Variants in TAS1R3 observed in about 807,000 individuals in gnomAD.
TAS1R3 encodes the protein taste receptor type 1 member 3.
Under a neutral mutation model 46.1 loss-of-function variants are expected in TAS1R3, and 58 were observed. The observed-to-expected ratio is 1.26, with a 90% confidence interval of 1.02 to 1.57. The LOEUF is 1.57. Ranked by LOEUF, TAS1R3 falls within the 40% of genes most tolerant of loss-of-function variation. TAS1R3 has a pLI of 0.00. For missense variants in TAS1R3, 1,422 were observed against 1,185.8 expected, an observed-to-expected ratio of 1.20 and a Z score of -2.93; for synonymous variants, 724 against 544.7, an observed-to-expected ratio of 1.33 and a Z score of -4.58.
Position 1,332,380 on chromosome 1 carries a change from C to T in TAS1R3, c.849C>T (p.Leu283=). ...CCTCCGTGCACGCCGCCCACGCCCT[C>T]TTCAACTACAGCATCAGCAGCAGGC... ...LFASVHAAHA[L]FNYSISSRLS... is the part of the protein sequence containing the mutation. The change falls in exon 3 of 6, where the codon CTC becomes CTT. Residue 283 remains leucine (L), a synonymous_variant. Coordinates refer to ENST00000339381, the MANE Select transcript of TAS1R3 (RefSeq NM_152228.3). 1.2e-6 allele frequency: 2 copies of T among 1,601,726 alleles called. No homozygotes were observed. Among genetic ancestry groups the T allele is most frequent in the Non-Finnish European group, 1.7e-6 (2 of 1,175,352 alleles).
Position 1,333,242 on chromosome 1 carries a change from C to G in TAS1R3, c.1480-17C>G. 1 of 1,598,508 alleles carries G rather than the reference C, an allele frequency of 6.3e-7. No homozygotes were observed. Among genetic ancestry groups the G allele is most frequent in the Non-Finnish European group, 8.5e-7 (1 of 1,175,584 alleles). ...CATGCCCAGCCGAGCAGAGCCAGAC[C>G]CCAGGCCTGTGCGCAGAAGCCCGTG... On this transcript the variant is annotated splice_polypyrimidine_tract_variant and intron_variant, in intron 4 of 5. Transcript: ENST00000339381.
chr1:1,331,990 C>A, intron 2 of TAS1R3, 34 bp from the exon 3 acceptor site: 2 of 1,604,800 alleles, frequency 1.2e-6, no homozygotes, highest in Non-Finnish European at 1.7e-6. Context: ...CCGTGGGAGC[C>A]CCTGTGTCAG....
rs561795006 is a variant in TAS1R3, at chr1:1,333,788, C to A, written c.1883C>A (p.Pro628His). Residue 628 changes from proline (P) to histidine (H), a missense_variant, in exon 6 of 6, where the codon CCC (proline) becomes CAC (histidine). Pro to His is a moderately conservative substitution (Grantham distance 77). Coordinates refer to ENST00000339381, the MANE Select transcript of TAS1R3 (RefSeq NM_152228.3). Reference protein sequence around the residue: ...CLSVLLFPGQPSPARCLAQQP... With the variant: ...CLSVLLFPGQHSPARCLAQQP... ...AGCGTCCTCCTGTTCCCTGGCCAGCCCAGCCCTGCCCGATGCCTGGCCCAG... is the reference window on the plus strand; with the variant it reads ...AGCGTCCTCCTGTTCCCTGGCCAGCACAGCCCTGCCCGATGCCTGGCCCAG... The A allele has an allele frequency of 1.9e-6, 3 of 1,593,780 alleles. No individual in the cohort carries two copies. The highest frequency in any genetic ancestry group is 2.7e-5 in the African/African-American group (2 of 74,840).
chr1:1,334,050 C>T lies in TAS1R3; in HGVS notation c.2145C>T (p.Pro715=). The change falls in exon 6 of 6, where the codon CCC becomes CCT. Residue 715 remains proline, a synonymous_variant. Coordinates refer to ENST00000339381, the MANE Select transcript of TAS1R3 (RefSeq NM_152228.3). ...TGGTGACGGACTGGCACATGCTGCC[C>T]ACGGAGGCGCTGGTGCACTGCCGCA... ...PEVVTDWHML[P]TEALVHCRTR... 6.2e-7 allele frequency: 1 copy of T among 1,601,022 alleles called. No homozygotes were observed. The highest frequency in any genetic ancestry group is 8.5e-7 in the Non-Finnish European group (1 of 1,178,574).
rs532037282 is a variant in TAS1R3, at chr1:1,332,686, A to C, written c.1155A>C (p.Leu385=). 1 of 1,604,836 alleles carries C rather than the reference A, an allele frequency of 6.2e-7. No homozygotes were observed. The highest frequency in any genetic ancestry group is 8.5e-7 in the Non-Finnish European group (1 of 1,179,654). ...CGCTGCAGAACGTGAGCGCAGGGCT[A>C]AATCACCACCAGACGTTCTCTGTCT... ...CITLQNVSAG[L]NHHQTFSVYA... is the part of the protein sequence containing the mutation. Residue 385 remains leucine (L), a synonymous_variant, in exon 3 of 6, where the codon CTA becomes CTC. Coordinates refer to ENST00000339381, the MANE Select transcript of TAS1R3 (RefSeq NM_152228.3).
chr1:1,333,070 C>T lies in TAS1R3; in HGVS notation c.1425C>T (p.Asn475=), dbSNP rs772766529. 1.9e-5 allele frequency: 31 copies of T among 1,612,552 alleles called. No homozygotes were observed. The highest frequency in any genetic ancestry group is 1.2e-4 in the South Asian group (11 of 91,086). Residue 475 remains asparagine, a synonymous_variant, in exon 4 of 6, where the codon AAC becomes AAT. Coordinates refer to ENST00000339381, the MANE Select transcript of TAS1R3 (RefSeq NM_152228.3). The part of the protein sequence containing the change: ...VPRLHDVGRF[N]GSLRTERLKI... ...GGCTCCACGACGTGGGCAGGTTCAACGGCAGCCTCAGGACAGAGCGCCTGA... is the reference window on the plus strand; with the variant it reads ...GGCTCCACGACGTGGGCAGGTTCAATGGCAGCCTCAGGACAGAGCGCCTGA...
rs538019413 is a variant in TAS1R3 at position 1,334,737 on chromosome 1, C to T, written c.*273C>T. The T allele has an allele frequency of 5.0e-4, 202 of 400,070 alleles. 1 individual carries two copies. The highest frequency in any genetic ancestry group is 4.9e-4 in the Non-Finnish European group (110 of 223,508). 24.8% of individuals were successfully genotyped at this position (400,070 alleles called of 1,614,324 possible). On this transcript the variant is annotated 3_prime_UTR_variant, in exon 6 of 6. Transcript: ENST00000339381. ...AGACCCACTGTTCTGGAAAGAGGCC[C>T]GGAGGGCTCCCAGGGTACCCGCAAC...
Position 1,333,358 on chromosome 1 carries a change from G to A in TAS1R3, c.1579G>A (p.Gly527Ser), listed in dbSNP as rs779238410. ...CTACGACTGTGTGGACTGCGAGGCG[G>A]GCAGCTACCGGCAAAACCCAGGTGA... is the stretch of plus-strand genomic sequence containing the variant. ...CCYDCVDCEA[G>S]SYRQNPDDIA... Residue 527 changes from glycine (G) to serine (S), a missense_variant, in exon 5 of 6, where the codon GGC becomes AGC. Gly to Ser is a moderately conservative substitution (Grantham distance 56). Coordinates refer to ENST00000339381, the MANE Select transcript of TAS1R3 (RefSeq NM_152228.3). 2.5e-6 allele frequency: 4 copies of A among 1,611,022 alleles called. No individual in the cohort carries two copies. Among genetic ancestry groups the A allele is most frequent in the Middle Eastern group, 1.7e-4 (1 of 6,060 alleles).
In TAS1R3 at chr1:1,334,031, C is replaced by T. The variant is rs748122536; in HGVS notation, c.2126C>T (p.Thr709Met). ...GTGGCCTTCCCGCCGGAGGTGGTGA[C>T]GGACTGGCACATGCTGCCCACGGAG... Reference protein sequence around the residue: ...YLVAFPPEVVTDWHMLPTEAL... With the variant: ...YLVAFPPEVVMDWHMLPTEAL... Residue 709 changes from threonine (T) to methionine (M), a missense_variant, in exon 6 of 6, where the codon ACG becomes ATG. Thr to Met is a moderately conservative substitution (Grantham distance 81). Transcript: ENST00000339381. The T allele has an allele frequency of 3.1e-5, 49 of 1,601,344 alleles. No individual in the cohort carries two copies. Among genetic ancestry groups the T allele is most frequent in the African/African-American group, 5.3e-5 (4 of 74,900 alleles).
chr1:1,334,035 CT>C lies in TAS1R3; in HGVS notation c.2131del (p.Trp711GlyfsTer22). On this transcript the variant is annotated frameshift_variant, in exon 6 of 6. Coordinates refer to ENST00000339381, the MANE Select transcript of TAS1R3 (RefSeq NM_152228.3). LOFTEE classifies it low-confidence loss of function (END_TRUNC). ...VAFPPEVVTD[W>X]HMLPTEALVH... ...CCTTCCCGCCGGAGGTGGTGACGGA[CT>C]GGCACATGCTGCCCACGGAGGCGCT... The C allele has an allele frequency of 6.2e-7, 1 of 1,601,630 alleles. No homozygotes were observed. Among genetic ancestry groups the C allele is most frequent in the Non-Finnish European group, 8.5e-7 (1 of 1,179,448 alleles).
At position 1,331,412 on chromosome 1, in the gene TAS1R3, T is replaced by C. The variant is rs1336406022; in HGVS notation, c.67T>C (p.Leu23=). ...ALLHPGTGAP[L]CLSQQLRMKG... ...CCTGCACCCTGGGACGGGGGCCCCA[T>C]TGTGCCTGTCACAGCAACTTAGGAT... Residue 23 remains leucine (L), a synonymous_variant, in exon 1 of 6, where the codon TTG becomes CTG. Coordinates refer to ENST00000339381, the MANE Select transcript of TAS1R3 (RefSeq NM_152228.3). 3 of 1,606,408 alleles carry C rather than the reference T, an allele frequency of 1.9e-6. No homozygotes were observed. The Admixed American group carries it at 5.1e-5, about 28-fold the overall frequency.
rs1354094312 is a variant in TAS1R3 at position 1,334,520 on chromosome 1, A to G, written c.*56A>G. 6.9e-7 allele frequency: 1 copy of G among 1,442,498 alleles called. No individual in the cohort carries two copies. Among genetic ancestry groups the G allele is most frequent in the African/African-American group, 1.4e-5 (1 of 70,372 alleles). 89.4% of individuals were successfully genotyped at this position (1,442,498 alleles called of 1,614,324 possible). ...CCAGACTTAGCTGCGATCCCCCCCA[A>G]GCCAGCAATGACCCGTGTCTCGCTA... On this transcript the variant is annotated 3_prime_UTR_variant, in exon 6 of 6. Coordinates refer to ENST00000339381, the MANE Select transcript of TAS1R3 (RefSeq NM_152228.3).
Position 1,334,214 on chromosome 1 carries a change from C to T in TAS1R3, c.2309C>T (p.Ala770Val), listed in dbSNP as rs748687102. Residue 770 changes from alanine to valine, a missense_variant, in exon 6 of 6, where the codon GCC (alanine) becomes GTC (valine). Ala to Val is a moderately conservative substitution (Grantham distance 64). Coordinates refer to ENST00000339381, the MANE Select transcript of TAS1R3 (RefSeq NM_152228.3). ...RARGLTFAML[A>V]YFITWVSFVP... ...CGTGGCCTCACCTTTGCCATGCTGG[C>T]CTACTTCATCACCTGGGTCTCCTTT... 5 of 1,608,468 alleles carry T rather than the reference C, an allele frequency of 3.1e-6. No homozygotes were observed. The highest frequency in any genetic ancestry group is 2.5e-6 in the Non-Finnish European group (3 of 1,178,078).
Position 1,334,165 on chromosome 1 carries a change from C to A in TAS1R3, c.2260C>A (p.Gln754Lys). Residue 754 changes from glutamine (Q) to lysine (K), a missense_variant, in exon 6 of 6, where the codon CAG becomes AAG. Gln to Lys is a moderately conservative substitution (Grantham distance 53). Coordinates refer to ENST00000339381, the MANE Select transcript of TAS1R3 (RefSeq NM_152228.3). ...CCTGGGCACTTTCCTGGTGCGGAGC[C>A]AGCCGGGCTGCTACAACCGTGCCCG... ...CFLGTFLVRS[Q>K]PGCYNRARGL... 6.3e-7 allele frequency: 1 copy of A among 1,588,964 alleles called. No homozygotes were observed. The highest frequency in any genetic ancestry group is 8.6e-7 in the Non-Finnish European group (1 of 1,167,872).
Position 1,332,067 on chromosome 1 carries a change from C to T in TAS1R3, c.536C>T (p.Thr179Ile). 2 of 1,603,632 alleles carry T rather than the reference C, an allele frequency of 1.2e-6. No individual in the cohort carries two copies. Among genetic ancestry groups the T allele is most frequent in the South Asian group, 1.1e-5 (1 of 91,070 alleles). Residue 179 changes from threonine (T) to isoleucine (I), a missense_variant, in exon 3 of 6, where the codon ACC becomes ATC. Physicochemically the swap from Thr to Ile is moderately conservative, Grantham distance 89 (BLOSUM62 -1). Coordinates refer to ENST00000339381, the MANE Select transcript of TAS1R3 (RefSeq NM_152228.3). ...ATGGAGCTGCTGAGCGCCCGGGAGA[C>T]CTTCCCCTCCTTCTTCCGCACCGTG... ...ASMELLSARE[T>I]FPSFFRTVPS...
In TAS1R3 at chr1:1,333,940, C is replaced by T. The variant is rs150120615; in HGVS notation, c.2035C>T (p.Pro679Ser). The T allele has an allele frequency of 5.4e-5, 86 of 1,600,982 alleles. No homozygotes were observed. In the African/African-American group the frequency reaches 8.3e-4, roughly 15 times the overall value. ...ADRLSGCLRGPWAWLVVLLAM... is the reference protein window; with the variant it reads ...ADRLSGCLRGSWAWLVVLLAM... ...CCGGCTGAGTGGCTGCCTGCGGGGG[C>T]CCTGGGCCTGGCTGGTGGTGCTGCT... is the stretch of plus-strand genomic sequence containing the variant. The change falls in exon 6 of 6, where the codon CCC becomes TCC. Residue 679 changes from proline (P) to serine (S), a missense_variant. Transcript: ENST00000339381.
rs1206606049 is a variant in TAS1R3, at chr1:1,331,462, G to A, written c.117G>A (p.Gly39=). The A allele has an allele frequency of 1.9e-6, 3 of 1,605,296 alleles. No homozygotes were observed. Among genetic ancestry groups the A allele is most frequent in the East Asian group, 4.5e-5 (2 of 44,802 alleles). ...TGAAGGGGGACTACGTGCTGGGGGGGCTGTTCCCCCTGGGCGAGGCCGAGG... is the reference window on the plus strand; with the variant it reads ...TGAAGGGGGACTACGTGCTGGGGGGACTGTTCCCCCTGGGCGAGGCCGAGG... ...LRMKGDYVLG[G]LFPLGEAEEA... is the part of the protein sequence containing the mutation. Residue 39 remains glycine (G), a synonymous_variant, in exon 1 of 6, where the codon GGG becomes GGA. Coordinates refer to ENST00000339381, the MANE Select transcript of TAS1R3 (RefSeq NM_152228.3).
rs307376 is a variant in TAS1R3, at chr1:1,334,500, C to T, written c.*36C>T. 1.2e-5 allele frequency: 17 copies of T among 1,466,680 alleles called. No individual in the cohort carries two copies. In the African/African-American group the frequency reaches 2.1e-4, roughly 18 times the overall value. The allele number at this position is 1,466,680 out of a possible 1,614,324, so 90.9% of individuals were successfully genotyped here. On this transcript the variant is annotated 3_prime_UTR_variant, in exon 6 of 6. Transcript: ENST00000339381. The stretch of plus-strand genomic sequence containing the variant: ...TGATCTCAGCCCCGGTGAACCCAGA[C>T]TTAGCTGCGATCCCCCCCAAGCCAG...
In TAS1R3 at chr1:1,331,933, C is replaced by A; in HGVS notation, c.487C>A (p.Pro163Thr). Residue 163 changes from proline (P) to threonine (T), a missense_variant, in exon 2 of 6, where the codon CCC (proline) becomes ACC (threonine). Coordinates refer to ENST00000339381, the MANE Select transcript of TAS1R3 (RefSeq NM_152228.3). The stretch of plus-strand genomic sequence containing the variant: ...CAAGTTCTTCAGCTTCTTCCTCATG[C>A]CCCAGGTGGGCGCCCCCCACCATCA... Reference protein sequence around the residue: ...TGKFFSFFLMPQVSYGASMEL... With the variant: ...TGKFFSFFLMTQVSYGASMEL... 1 of 1,606,650 alleles carries A rather than the reference C, an allele frequency of 6.2e-7. No homozygotes were observed.
Sources: allele counts gnomAD v4.1 joint callset, GRCh38; gene constraint gnomAD v4.1.1; transcripts MANE v1.5; gene names NCBI Gene and HGNC (gene_info 2026-07-23, HGNC 2026-07-21).